KLHL3: variants seen among roughly 807,000 people sequenced by gnomAD.
KLHL3 encodes kelch like family member 3.
KLHL3 carries 19 observed loss-of-function variants against 70.5 expected under a neutral mutation model. That is an observed-to-expected ratio of 0.27 (90% CI 0.19 to 0.40). KLHL3 has a LOEUF of 0.40. KLHL3 is among the 10% of genes least tolerant of loss of function. KLHL3 has a pLI of 1.00. For synonymous variants in KLHL3, 258 were observed against 290.3 expected (o/e 0.89, Z 1.13); for missense variants, 512 against 771.1 (o/e 0.66, Z 3.98).
chr5:137,686,886 C>A, intron 5 of KLHL3, among the ~76,000 whole-genome samples: 1 of 61,172 alleles, frequency 1.6e-5, no homozygotes, highest in Non-Finnish European at 3.3e-5. Context: ...AATATTACCT[C>A]CCTGAGGGGC....
chr5:137,684,757 C>T (rs1752122193), intron 5 of KLHL3, among the ~76,000 whole-genome samples: 1 of 152,220 alleles, frequency 6.6e-6, no homozygotes, highest in African/African-American at 2.4e-5. Context: ...GTATAAGAAA[C>T]AGGCTGTGAA....
chr5:137,686,464 G>A (rs1192875361), intron 5 of KLHL3, among the ~76,000 whole-genome samples: 1 of 152,250 alleles, frequency 6.6e-6, no homozygotes, highest in Admixed American at 6.5e-5. Flanking sequence ...GGATTACTCA[G>A]CTCCAAAGTG....
chr5:137,724,944 G>T, intron 1 of KLHL3: 1 of 528,478 alleles, frequency 1.9e-6, no homozygotes, highest in Non-Finnish European at 2.4e-6. Context: ...GCAATATAGT[G>T]CATGCATGTA....
At chr5:137,661,708 G>A (rs887761695) in intron 7 of KLHL3, 1 of 480,808 alleles carries the variant, frequency 2.1e-6, no homozygotes, top group Non-Finnish European at 3.7e-6. Context: ...AAGCAGCAGA[G>A]CAGAGACTGA....
intron 1 of KLHL3, among the ~76,000 whole-genome samples, chr5:137,729,165 T>C (rs948921905): frequency 4.6e-5 from 7 of 151,984 alleles, no homozygotes; most frequent in Admixed American, 3.9e-4. Context: ...ACTGGCCACA[T>C]ACAAGAGGCC....
At chr5:137,646,236 G>A (rs948310662) in intron 8 of KLHL3, among the ~76,000 whole-genome samples, 17 of 152,114 alleles carry the variant, frequency 1.1e-4, no homozygotes, top group Non-Finnish European at 1.8e-4. Flanking sequence ...ATCACAACGA[G>A]ATATCACCTC....
rs759950079 is a variant in KLHL3 at position 137,698,260 on chromosome 5, C to T, written c.363+27G>A. On this transcript the variant is annotated intron_variant, in intron 4 of 14. Coordinates refer to ENST00000309755, the MANE Select transcript of KLHL3 (RefSeq NM_017415.3). ...TGGTGGGTCCTGAGTGTGCAATACACTGAGCTATTAGTGAGCCTGAGTTTA... is the reference window on the plus strand; with the variant it reads ...TGGTGGGTCCTGAGTGTGCAATACATTGAGCTATTAGTGAGCCTGAGTTTA... The T allele has an allele frequency of 3.7e-6, 6 of 1,613,664 alleles. No individual in the cohort carries two copies. The South Asian group carries it at 6.6e-5, about 18-fold the overall frequency.
intron 8 of KLHL3, among the ~76,000 whole-genome samples, chr5:137,651,334 C>A (rs1034664): frequency 2.0e-5 from 3 of 152,148 alleles, no homozygotes; most frequent in East Asian, 1.9e-4. Flanking sequence ...AACTACTGTC[C>A]TTGTTGTTCA....
chr5:137,663,273 T>C (rs533841783), intron 6 of KLHL3, among the ~76,000 whole-genome samples: 2 of 151,660 alleles, frequency 1.3e-5, no homozygotes, highest in Admixed American at 1.3e-4. Context: ...GCCAGGCTGG[T>C]CTCAAACTCC....
At position 137,639,960 on chromosome 5, in the gene KLHL3, G is replaced by A. The variant is rs771678257; in HGVS notation, c.921C>T (p.Gly307=). 2.2e-5 allele frequency: 36 copies of A among 1,613,978 alleles called. No homozygotes were observed. The highest frequency in any genetic ancestry group is 6.6e-5 in the South Asian group (6 of 91,082). ...TGCGGATTGCCTTGGGTGCCTGGCC[G>A]CCAACCACAATCATGACCTCCGGAG... ...VSLPKVMIVV[G]GQAPKAIRSV... The change falls in exon 9 of 15, where the codon GGC becomes GGT. Residue 307 remains glycine, a synonymous_variant. Transcript: ENST00000309755. The surrounding 1 kb of genome is among the most constrained non-coding windows in gnomAD (Gnocchi z 5.0).
chr5:137,727,438 C>T (rs1753102416), intron 1 of KLHL3, among the ~76,000 whole-genome samples: 1 of 152,182 alleles, frequency 6.6e-6, no homozygotes, highest in Admixed American at 6.5e-5. Context: ...GCATGTTCTA[C>T]ATGAAGCCTC....
chr5:137,639,874 C>A lies in KLHL3; in HGVS notation c.1007G>T (p.Arg336Ile), dbSNP rs199469640. 1.2e-6 allele frequency: 2 copies of A among 1,614,006 alleles called. No individual in the cohort carries two copies. The highest frequency in any genetic ancestry group is 1.7e-5 in the Admixed American group (1 of 60,026). The change falls in exon 9 of 15, where the codon AGA (arginine) becomes ATA (isoleucine). Residue 336 changes from arginine (R) to isoleucine (I), a missense_variant. Transcript: ENST00000309755. This position sits in a 1 kb window ranked among gnomAD's most constrained non-coding sequence, Gnocchi z 5.0. ...AGGCTGCTCACCTGCTCTGCATCTT[C>A]TGGAAGGAAGCTCAGCAATCTGATC... ...RWDQIAELPS[R>I]RCRAGVVFMA... is the part of the protein sequence containing the mutation.
intron 6 of KLHL3, among the ~76,000 whole-genome samples, chr5:137,675,895 C>G (rs1364456156): frequency 1.3e-5 from 2 of 152,210 alleles, no homozygotes; most frequent in African/African-American, 4.8e-5. Flanking sequence ...CTCAGGGGGG[C>G]CCCAAATTGA....
At chr5:137,662,115 AGAG>A in intron 6 of KLHL3, 84 bp from the exon 7 acceptor site, 1 of 562,088 alleles carries the variant, frequency 1.8e-6, no homozygotes, top group Non-Finnish European at 2.9e-6. Flanking sequence ...AAAAAAAAAA[AGAG>A]AGAGAGAAAA....
chr5:137,649,899 G>T (rs984132750), intron 8 of KLHL3, among the ~76,000 whole-genome samples: 22 of 152,150 alleles, frequency 1.4e-4, no homozygotes, highest in African/African-American at 5.3e-4. Context: ...TCCTCACACT[G>T]CCACTTAAGC....
At chr5:137,640,712 T>C (rs1433965595) in intron 8 of KLHL3, among the ~76,000 whole-genome samples, 1 of 141,682 alleles carries the variant, frequency 7.1e-6, no homozygotes, top group Non-Finnish European at 1.6e-5. Context: ...CAAGTCTACC[T>C]GACAGAGGGT....
At chr5:137,683,392 C>T (rs1193833859) in intron 5 of KLHL3, among the ~76,000 whole-genome samples, 4 of 152,152 alleles carry the variant, frequency 2.6e-5, no homozygotes, top group Admixed American at 1.3e-4. Context: ...GGTGGACACA[C>T]AAACAAAATG....
intron 1 of KLHL3, among the ~76,000 whole-genome samples, chr5:137,724,800 G>A (rs1753061106): frequency 1.3e-5 from 2 of 152,146 alleles, no homozygotes; most frequent in Non-Finnish European, 2.9e-5. Flanking sequence ...CAGAGAACAA[G>A]AAATTAAGAA....
intron 14 of KLHL3, among the ~76,000 whole-genome samples, chr5:137,623,125 AC>A (rs942133732): frequency 6.6e-6 from 1 of 152,250 alleles, no homozygotes; most frequent in Admixed American, 6.5e-5. Context: ...CCCCAGGCCA[AC>A]CTTGGATTTC....
Sources: allele counts gnomAD v4.1 joint callset (sites outside exome capture counted in the v4.1 genomes callset), GRCh38; gene constraint gnomAD v4.1.1; non-coding constraint Gnocchi (gnomAD v3.1); transcripts MANE v1.5; gene names NCBI Gene and HGNC (gene_info 2026-07-23, HGNC 2026-07-21).